The following MAML2 variants were observed in gnomAD, a reference collection of about 807,000 sequenced individuals.
MAML2 encodes mastermind-like protein 2.
A neutral mutation model predicts 96.1 loss-of-function variants in MAML2; 22 were observed. The observed-to-expected ratio is 0.23, with a 90% CI of 0.16 to 0.33. The LOEUF is 0.33. Among genes scored for constraint, MAML2 ranks in the 10% least tolerant of loss-of-function variants. MAML2 has a pLI of 1.00. For missense variants in MAML2, 1,367 were observed against 1,392.4 expected (o/e 0.98, Z 0.29); for synonymous variants, 561 against 521.3 (o/e 1.08, Z -1.04).
intron 1 of MAML2, among the ~76,000 whole-genome samples, chr11:96,130,414 A>G (rs1426773159): frequency 6.6e-6 from 1 of 152,240 alleles, no homozygotes; most frequent in Non-Finnish European, 1.5e-5. Flanking sequence ...ACAATCTTCC[A>G]GTTGGCAAGA....
intron 1 of MAML2, among the ~76,000 whole-genome samples, chr11:96,289,329 T>A (rs1863180117): frequency 6.6e-6 from 1 of 152,170 alleles, no homozygotes; most frequent in African/African-American, 2.4e-5. Context: ...ATTATCCGGA[T>A]TACAAATTTA....
chr11:96,295,533 T>G (rs1403868745), intron 1 of MAML2, among the ~76,000 whole-genome samples: 1 of 152,226 alleles, frequency 6.6e-6, no homozygotes, highest in African/African-American at 2.4e-5. Flanking sequence ...CTGGAATGTT[T>G]CATCCCAAGA....
intron 2 of MAML2, among the ~76,000 whole-genome samples, chr11:96,015,207 C>A (rs1466394214): frequency 6.6e-6 from 1 of 152,136 alleles, no homozygotes; most frequent in African/African-American, 2.4e-5. Context: ...GGTGGTAAAT[C>A]TATACTATTG....
At chr11:96,128,121 C>A (rs1860481906) in intron 1 of MAML2, among the ~76,000 whole-genome samples, 2 of 152,088 alleles carry the variant, frequency 1.3e-5, no homozygotes, top group South Asian at 4.1e-4. Context: ...CAGCCGTGTG[C>A]AGTGGCTCAC....
chr11:96,021,861 G>A (rs1858441508), intron 2 of MAML2, among the ~76,000 whole-genome samples: 1 of 152,210 alleles, frequency 6.6e-6, no homozygotes, highest in Non-Finnish European at 1.5e-5. Context: ...GCCATGTCCT[G>A]CCTCTTCCCA....
chr11:96,020,956 T>C (rs186203417), intron 2 of MAML2, among the ~76,000 whole-genome samples: 2 of 152,206 alleles, frequency 1.3e-5, no homozygotes, highest in Non-Finnish European at 2.9e-5. Flanking sequence ...GGGACAACTA[T>C]GCTATATGGA....
chr11:96,333,893 T>C (rs945527884), intron 1 of MAML2, among the ~76,000 whole-genome samples: 5 of 152,204 alleles, frequency 3.3e-5, no homozygotes, highest in Non-Finnish European at 5.9e-5. Context: ...TCCCAATAGA[T>C]GGTTTAAATT....
intron 1 of MAML2, among the ~76,000 whole-genome samples, chr11:96,268,708 C>G (rs1862865829): frequency 6.6e-6 from 1 of 152,112 alleles, no homozygotes; most frequent in African/African-American, 2.4e-5. Flanking sequence ...CCATGCTGTT[C>G]TCGTGATAGT....
chr11:96,283,570 G>C (rs1004469161), intron 1 of MAML2, among the ~76,000 whole-genome samples: 1 of 152,162 alleles, frequency 6.6e-6, no homozygotes, highest in African/African-American at 2.4e-5. Flanking sequence ...TATCTAACTG[G>C]AGAAATCTTT....
intron 2 of MAML2, among the ~76,000 whole-genome samples, chr11:96,015,083 TAGTC>T (rs1309681941): frequency 6.6e-6 from 1 of 152,286 alleles, no homozygotes; most frequent in African/African-American, 2.4e-5. Context: ...TTCATCTAGT[TAGTC>T]AGTGATTGAG....
rs540030089 is a variant in MAML2, at chr11:96,166,391, T to C, written c.514-72874A>G. Among the ~76,000 whole-genome samples the C allele has an allele frequency of 3.9e-5, 6 of 152,348 alleles. No homozygotes were observed. In the East Asian group the frequency reaches 7.7e-4, roughly 20 times the overall value. ...TAATTTTAAAAGAAAGTGGTTATTT[T>C]CGTTAAGTTAAATAGTTTTCTTATT... On this transcript the variant is annotated intron_variant, in intron 1 of 4. Transcript: ENST00000524717.
chr11:95,996,515 G>T (rs1565184409), intron 2 of MAML2, among the ~76,000 whole-genome samples: 1 of 152,144 alleles, frequency 6.6e-6, no homozygotes, highest in African/African-American at 2.4e-5. Flanking sequence ...GTGAAGGGAG[G>T]TGCCCTGGTA....
intron 4 of MAML2, among the ~76,000 whole-genome samples, chr11:95,983,767 T>C (rs924465600): frequency 8.5e-5 from 13 of 152,202 alleles, no homozygotes; most frequent in African/African-American, 2.9e-4. Flanking sequence ...AGAAATATTT[T>C]TGTACAGCTG....
intron 2 of MAML2, among the ~76,000 whole-genome samples, chr11:96,021,160 C>T (rs909434813): frequency 1.2e-4 from 19 of 152,096 alleles, no homozygotes; most frequent in African/African-American, 4.3e-4. Context: ...TCCATAGATT[C>T]CTGGGTTTCT....
chr11:96,134,761 G>A (rs1860600561), intron 1 of MAML2, among the ~76,000 whole-genome samples: 1 of 152,140 alleles, frequency 6.6e-6, no homozygotes, highest in Non-Finnish European at 1.5e-5. Flanking sequence ...AAGCTAAGAG[G>A]GGTAAACAGA....
intron 2 of MAML2, among the ~76,000 whole-genome samples, chr11:96,053,623 T>TGG (rs11435367): frequency 1.1e-4 from 16 of 151,590 alleles, no homozygotes; most frequent in South Asian, 2.1e-4. Context: ...GTTAATGGGA[T>TGG]GGGGGGGTGA....
At chr11:96,309,189 G>T (rs1409357841) in intron 1 of MAML2, among the ~76,000 whole-genome samples, 1 of 152,176 alleles carries the variant, frequency 6.6e-6, no homozygotes, top group Non-Finnish European at 1.5e-5. Flanking sequence ...GTAATCCATT[G>T]TGTCTAGCAT....
rs544435746 is a variant in MAML2 at position 96,256,300 on chromosome 11, C to T, written c.513+85083G>A. On this transcript the variant is annotated intron_variant, in intron 1 of 4. Transcript: ENST00000524717. ...AACTTGAAACTCTGATTCCAGAGCCCGTGAGCTGAATTCCATTCCTCCCTG... is the reference window on the plus strand; with the variant it reads ...AACTTGAAACTCTGATTCCAGAGCCTGTGAGCTGAATTCCATTCCTCCCTG... Among the ~76,000 whole-genome samples the T allele has an allele frequency of 3.5e-4, 54 of 152,242 alleles. 1 individual carries two copies. Among genetic ancestry groups the T allele is most frequent in the South Asian group, 2.9e-3 (14 of 4,828 alleles).
chr11:96,184,853 C>A lies in MAML2; in HGVS notation c.514-91336G>T, dbSNP rs557569555. Among the ~76,000 whole-genome samples, 5 of 152,228 alleles carry A rather than the reference C, an allele frequency of 3.3e-5. No homozygotes were observed. The East Asian group carries it at 9.7e-4, about 29-fold the overall frequency. ...ATCCAAAAGTGAGACCTCGGCCTCC[C>A]AAAGTGCTGGGATTACAGGCGTGAG... On this transcript the variant is annotated intron_variant, in intron 1 of 4. Transcript: ENST00000524717.
Sources: allele counts gnomAD v4.1 joint callset (sites outside exome capture counted in the v4.1 genomes callset), GRCh38; gene constraint gnomAD v4.1.1; transcripts MANE v1.5; gene names NCBI Gene and HGNC (gene_info 2026-07-23, HGNC 2026-07-21).